Variants in MED15 observed in about 807,000 individuals in gnomAD.
The protein encoded by MED15 is mediator complex subunit 15.
Under a neutral mutation model 118.7 loss-of-function variants are expected in MED15, and 41 were observed. That is an observed-to-expected ratio of 0.35 (90% CI 0.27 to 0.45). The LOEUF (loss-of-function observed/expected upper bound fraction) is 0.45, where lower values mean the gene tolerates loss of function less well. MED15 is among the 20% of genes least tolerant of loss of function. MED15 has a pLI of 1.00. For synonymous variants in MED15, 436 were observed against 413.9 expected, an observed-to-expected ratio of 1.05 and a Z score of -0.65; for missense variants, 740 against 1,025.5, an observed-to-expected ratio of 0.72 and a Z score of 3.80.
intron 7 of MED15, among the ~76,000 whole-genome samples, chr22:20,567,095 G>A (rs1417989358): frequency 6.6e-6 from 1 of 152,218 alleles, no homozygotes. Context: ...GCTGATTGCA[G>A]CAGTTCTGTG....
At chr22:20,507,946 C>G (rs2053927796) in intron 1 of MED15, 200 bp downstream of exon 1, 1 of 1,440,688 alleles carries the variant, frequency 6.9e-7, no homozygotes, top group African/African-American at 1.4e-5. Context: ...TTTCCTGGGG[C>G]CGAGCTCTGC....
At chr22:20,535,520 G>T (rs372469918) in intron 1 of MED15, among the ~76,000 whole-genome samples, 1 of 152,194 alleles carries the variant, frequency 6.6e-6, no homozygotes, top group South Asian at 2.1e-4. Context: ...AGGCCCCAGA[G>T]CCCTGACATG....
chr22:20,555,744 C>T (rs79160294), intron 5 of MED15, among the ~76,000 whole-genome samples: 6,524 of 152,340 alleles, frequency 0.043, 189 homozygotes, highest in Middle Eastern at 0.075. Flanking sequence ...TCTTTTGAGA[C>T]GGGGTCTCGC....
In MED15 at chr22:20,539,271, G is replaced by A. The variant is rs940533883; in HGVS notation, c.156+2067G>A. On this transcript the variant is annotated intron_variant, in intron 2 of 17. Coordinates refer to ENST00000263205, the MANE Select transcript of MED15 (RefSeq NM_001003891.3). ...GTGCCACCATGCCTGGCTAATTTTC[G>A]TATTTTTAGTAGAGATGGGTTTTGC... Among the ~76,000 whole-genome samples, 9 of 151,196 alleles carry A rather than the reference G, an allele frequency of 6.0e-5. No individual in the cohort carries two copies. The East Asian group carries it at 9.8e-4, about 16-fold the overall frequency.
intron 16 of MED15, 80 bp downstream of exon 16, chr22:20,585,347 T>G (rs908268382): frequency 1.4e-5 from 22 of 1,549,834 alleles, no homozygotes; most frequent in Non-Finnish European, 1.9e-5. Flanking sequence ...CCAAGCCAGA[T>G]GGCACAGCGC....
At chr22:20,584,462 G>T (rs748394052) in intron 14 of MED15, 37 bp downstream of exon 14, 1 of 1,606,016 alleles carries the variant, frequency 6.2e-7, no homozygotes, top group East Asian at 2.2e-5. Context: ...GGGAACCAGG[G>T]CTCTCCTAAG....
chr22:20,584,617 C>A, intron 14 of MED15, 192 bp downstream of exon 14: 1 of 818,782 alleles, frequency 1.2e-6, no homozygotes, highest in Non-Finnish European at 1.9e-6. Flanking sequence ...CCTCTGTCTA[C>A]GGCCCCCGTG....
intron 1 of MED15, among the ~76,000 whole-genome samples, chr22:20,519,756 G>T (rs532913292): frequency 1.3e-5 from 2 of 152,142 alleles, no homozygotes; most frequent in Non-Finnish European, 2.9e-5. Flanking sequence ...CATCCGGCCT[G>T]AGGTTTTTAT....
chr22:20,586,278 CCAGAGCTGGCACACAG>C (rs67829084), intron 17 of MED15, among the ~76,000 whole-genome samples: 2,355 of 152,164 alleles, frequency 0.015, 19 homozygotes, highest in Middle Eastern at 0.027. Flanking sequence ...GTCTCTGAGC[CCAGAGCTGGCACACAG>C]CAGAGCTGGC....
At position 20,586,858 on chromosome 22, in the gene MED15, C is replaced by G; in HGVS notation, c.*154C>G. The G allele has an allele frequency of 8.4e-7, 1 of 1,187,888 alleles. No individual in the cohort carries two copies. The highest frequency in any genetic ancestry group is 1.2e-6 in the Non-Finnish European group (1 of 864,628). 73.6% of individuals were successfully genotyped at this position (1,187,888 alleles called of 1,614,324 possible). On this transcript the variant is annotated 3_prime_UTR_variant, in exon 18 of 18. Transcript: ENST00000263205. ...CTTGGGGACCTGCCAAACGAAATCC[C>G]ACACCTGTACAGAACTGGGATAGGC...
At chr22:20,565,648 A>G (rs981082982) in intron 6 of MED15, among the ~76,000 whole-genome samples, 1 of 151,968 alleles carries the variant, frequency 6.6e-6, no homozygotes, top group Non-Finnish European at 1.5e-5. Context: ...CCCCTCTCCC[A>G]GAGCTGACAG....
chr22:20,525,413 A>G (rs2054598864), intron 1 of MED15, among the ~76,000 whole-genome samples: 1 of 151,408 alleles, frequency 6.6e-6, no homozygotes, highest in South Asian at 2.1e-4. Context: ...GGGTTTCGCC[A>G]TGTTGGCCAG....
At chr22:20,565,109 T>C (rs177424) in intron 6 of MED15, among the ~76,000 whole-genome samples, 70,948 of 152,004 alleles carry the variant, frequency 0.47, 17,150 homozygotes, top group African/African-American at 0.58. Context: ...TGGGCAGCAG[T>C]GAGACTCCGT....
intron 8 of MED15, 86 bp downstream of exon 8, chr22:20,568,717 T>C: frequency 2.6e-6 from 4 of 1,539,292 alleles, no homozygotes; most frequent in Non-Finnish European, 3.5e-6. Flanking sequence ...GGGTTCTGGT[T>C]GGATTAGGGG....
At chr22:20,523,603 T>A in intron 1 of MED15, 18 of 941,116 alleles carry the variant, frequency 1.9e-5, no homozygotes, top group Non-Finnish European at 2.0e-5. Flanking sequence ...CACAGAGCCA[T>A]GTGAGATCAG....
chr22:20,552,141 G>A (rs2055801622), intron 3 of MED15, among the ~76,000 whole-genome samples: 1 of 152,236 alleles, frequency 6.6e-6, no homozygotes, highest in Admixed American at 6.5e-5. Context: ...GCCACAGCCT[G>A]CGAAGGAAAC....
chr22:20,565,876 A>G (rs2056418018), intron 6 of MED15, among the ~76,000 whole-genome samples: 2 of 151,986 alleles, frequency 1.3e-5, no homozygotes, highest in African/African-American at 2.4e-5. Flanking sequence ...GAACCATCCT[A>G]GTGGAATGGT....
At chr22:20,526,392 G>A (rs548876254) in intron 1 of MED15, among the ~76,000 whole-genome samples, 1 of 152,278 alleles carries the variant, frequency 6.6e-6, no homozygotes, top group Admixed American at 6.5e-5. Context: ...TACAAATTAT[G>A]TTGGCTTGCT....
intron 1 of MED15, among the ~76,000 whole-genome samples, chr22:20,529,879 A>G (rs1018123579): frequency 2.6e-5 from 4 of 152,112 alleles, no homozygotes; most frequent in Non-Finnish European, 5.9e-5. Context: ...GGCGTGAGCC[A>G]CTGTGCTCAG....
Sources: gnomAD v4.1 joint callset for allele counts (sites outside exome capture counted in the v4.1 genomes callset) on GRCh38, gnomAD v4.1.1 for gene constraint, MANE v1.5 for transcripts, NCBI Gene and HGNC (gene_info 2026-07-23, HGNC 2026-07-21) for gene names.